TMEM117: variants seen among roughly 807,000 people sequenced by gnomAD.
TMEM117 encodes the protein transmembrane protein 117.
In TMEM117, 27 loss-of-function variants were observed where a neutral mutation model predicts 52.4. That is an observed-to-expected ratio of 0.51 (90% CI 0.38 to 0.71). The LOEUF (loss-of-function observed/expected upper bound fraction) is 0.71. Among genes scored for constraint, TMEM117 ranks in the 30% least tolerant of loss-of-function variants. The pLI is 0.00. For synonymous variants in TMEM117, 215 were observed against 206.3 expected, an observed-to-expected ratio of 1.04 and a Z score of -0.36; for missense variants, 556 against 630.5, an observed-to-expected ratio of 0.88 and a Z score of 1.26.
At chr12:43,804,485 T>C in the TMEM117 span, 1 of 1,541,926 alleles carries the variant, frequency 6.5e-7, no homozygotes. Context: ...TTTTAAAATA[T>C]TTAACTAACC....
chr12:43,804,525 AC>A, the TMEM117 span: 1 of 1,602,208 alleles, frequency 6.2e-7, no homozygotes, highest in Non-Finnish European at 8.5e-7. Flanking sequence ...AGAAGTCTGT[AC>A]TTTCCATTTC....
intron 4 of TMEM117, among the ~76,000 whole-genome samples, chr12:44,157,523 A>G (rs1391930755): frequency 6.6e-6 from 1 of 152,150 alleles, no homozygotes; most frequent in Non-Finnish European, 1.5e-5. Context: ...AAGCTTAGCC[A>G]AACAGGAACT....
chr12:43,832,623 A>G (rs116410211), upstream of TMEM117, among the ~76,000 whole-genome samples: 579 of 152,310 alleles, frequency 3.8e-3, 6 homozygotes, highest in African/African-American at 0.013. Context: ...TTATACCAAT[A>G]TTCATTATAT....
rs574318742 is a variant in TMEM117 at position 44,216,600 on chromosome 12, G to A, written c.608+5213G>A. The stretch of plus-strand genomic sequence containing the variant: ...GCAAATGGCAAGGAAATTGATGCTG[G>A]AAACTGGAAAGATGGTAATCTGAGT... On this transcript the variant is annotated intron_variant, in intron 5 of 7. Coordinates refer to ENST00000266534, the MANE Select transcript of TMEM117 (RefSeq NM_032256.3). Among the ~76,000 whole-genome samples, 6 of 152,322 alleles carry A rather than the reference G, an allele frequency of 3.9e-5. No individual in the cohort carries two copies. In the South Asian group the frequency reaches 1.0e-3, roughly 26 times the overall value.
At chr12:44,050,286 C>T (rs1354106786) in intron 3 of TMEM117, among the ~76,000 whole-genome samples, 1 of 152,216 alleles carries the variant, frequency 6.6e-6, no homozygotes, top group African/African-American at 2.4e-5. Flanking sequence ...AAGTGATCCT[C>T]CTGCCCCAGC....
intron 3 of TMEM117, among the ~76,000 whole-genome samples, chr12:44,010,486 C>G (rs1180613438): frequency 6.6e-6 from 1 of 152,188 alleles, no homozygotes; most frequent in Non-Finnish European, 1.5e-5. Flanking sequence ...TATCCCTCCA[C>G]CTCCCAGAGA....
At chr12:43,914,356 C>T (rs968626623) in intron 2 of TMEM117, among the ~76,000 whole-genome samples, 6 of 152,148 alleles carry the variant, frequency 3.9e-5, no homozygotes, top group African/African-American at 1.4e-4. Context: ...AATGAACCCG[C>T]TCCTCAGTCT....
chr12:44,331,949 A>G (rs1171437439), intron 6 of TMEM117, among the ~76,000 whole-genome samples: 1 of 152,042 alleles, frequency 6.6e-6, no homozygotes, highest in Non-Finnish European at 1.5e-5. Context: ...GCCAAAAATA[A>G]ATTTAATTAA....
At chr12:43,994,038 A>C (rs1479827363) in intron 3 of TMEM117, among the ~76,000 whole-genome samples, 1 of 152,146 alleles carries the variant, frequency 6.6e-6, no homozygotes, top group Non-Finnish European at 1.5e-5. Flanking sequence ...TGTTTTCATG[A>C]GAATGGAGAT....
intron 3 of TMEM117, among the ~76,000 whole-genome samples, chr12:44,003,841 T>C (rs1385223809): frequency 6.6e-6 from 1 of 152,194 alleles, no homozygotes; most frequent in African/African-American, 2.4e-5. Flanking sequence ...TTTCTCTTTT[T>C]CTGTGATGGC....
intron 2 of TMEM117, among the ~76,000 whole-genome samples, chr12:43,869,313 A>G (rs911066802): frequency 3.9e-5 from 6 of 152,056 alleles, no homozygotes; most frequent in African/African-American, 1.4e-4. Context: ...GGCTTCACTT[A>G]TTTATTTACT....
intron 5 of TMEM117, among the ~76,000 whole-genome samples, chr12:44,255,379 A>C (rs1950248173): frequency 6.6e-6 from 1 of 152,188 alleles, no homozygotes; most frequent in African/African-American, 2.4e-5. Context: ...ACACATGAAA[A>C]AATGCTCATC....
chr12:43,965,231 AT>A (rs1945465972), intron 3 of TMEM117, among the ~76,000 whole-genome samples: 1 of 152,242 alleles, frequency 6.6e-6, no homozygotes, highest in South Asian at 2.1e-4. Flanking sequence ...AAAGGGACGA[AT>A]TTGAGTTAAA....
At chr12:44,225,611 T>C (rs985962672) in intron 5 of TMEM117, among the ~76,000 whole-genome samples, 27 of 152,330 alleles carry the variant, frequency 1.8e-4, no homozygotes, top group African/African-American at 6.5e-4. Context: ...TAAACAATTT[T>C]AGTATATAAA....
the TMEM117 span, among the ~76,000 whole-genome samples, chr12:43,829,021 A>C: frequency 6.6e-6 from 1 of 152,144 alleles, no homozygotes; most frequent in Non-Finnish European, 1.5e-5. Flanking sequence ...TTCTGAGCTC[A>C]AGCCTTCCTC....
rs1244597058 is a variant in TMEM117 at position 43,946,378 on chromosome 12, G to GTTTT, written c.410+2049_410+2052dup. Among the ~76,000 whole-genome samples the GTTTT allele has an allele frequency of 7.5e-4, 85 of 113,454 alleles. 1 individual carries two copies. Among genetic ancestry groups the GTTTT allele is most frequent in the South Asian group, 1.3e-3 (5 of 3,988 alleles). The allele number at this position is 113,454 out of a possible 152,430, so 74.4% of individuals were successfully genotyped here. On this transcript the variant is annotated intron_variant, in intron 3 of 7. Coordinates refer to ENST00000266534, the MANE Select transcript of TMEM117 (RefSeq NM_032256.3). ...AGAAGCTGACTTTTGATATAATTCT[G>GTTTT]TTTTTTTTTTTTTTTTGTTTGTTTT... is the stretch of plus-strand genomic sequence containing the variant.
the TMEM117 span, chr12:43,804,624 T>C: frequency 7.9e-7 from 1 of 1,260,234 alleles, no homozygotes; most frequent in South Asian, 1.4e-5. Context: ...TATAAATACT[T>C]TCCTATCTAT....
At chr12:43,979,214 T>C (rs1387357580) in intron 3 of TMEM117, among the ~76,000 whole-genome samples, 1 of 152,046 alleles carries the variant, frequency 6.6e-6, no homozygotes, top group East Asian at 1.9e-4. Context: ...GAAGTTAATA[T>C]GTATCCAAGA....
the TMEM117 span, among the ~76,000 whole-genome samples, chr12:44,397,280 G>A: frequency 1.3e-5 from 2 of 152,180 alleles, no homozygotes; most frequent in African/African-American, 4.8e-5. Context: ...TTTCATGAGT[G>A]AATTGACTGT....
Sources: gnomAD v4.1 joint callset for allele counts (sites outside exome capture counted in the v4.1 genomes callset) on GRCh38, gnomAD v4.1.1 for gene constraint, MANE v1.5 for transcripts, NCBI Gene and HGNC (gene_info 2026-07-23, HGNC 2026-07-21) for gene names.